Variants in KCNC2 observed in about 807,000 individuals in gnomAD.
KCNC2 encodes voltage-gated potassium channel KCNC2.
A neutral mutation model predicts 44.5 loss-of-function variants in KCNC2; 21 were observed. That is an observed-to-expected ratio of 0.47 (90% CI 0.33 to 0.68). The LOEUF (loss-of-function observed/expected upper bound fraction) is 0.68, where lower values mean the gene tolerates loss of function less well. KCNC2 is among the 30% of genes least tolerant of loss of function. The pLI, the probability that KCNC2 is intolerant of heterozygous loss-of-function variation, is 0.01. For synonymous variants in KCNC2, 391 were observed against 339.1 expected, an observed-to-expected ratio of 1.15 and a Z score of -1.68; for missense variants, 589 against 826.2, an observed-to-expected ratio of 0.71 and a Z score of 3.52.
At position 75,042,851 on chromosome 12, in the gene KCNC2, G is replaced by T; in HGVS notation, c.*254C>A. The T allele has an allele frequency of 7.7e-7, 1 of 1,292,904 alleles. No homozygotes were observed. 80.1% of individuals were successfully genotyped at this position (1,292,904 alleles called of 1,614,324 possible). A position where few individuals can be genotyped will look rare whatever the true frequency, so the allele number is the denominator to read the frequency against. ...CACTGGTCAATATCTGACACTATCT[G>T]TCATTTTATTGCAAAAGGATATCAG... On this transcript the variant is annotated 3_prime_UTR_variant, in exon 5 of 5. Transcript: ENST00000549446.
At position 75,042,095 on chromosome 12, in the gene KCNC2, T is replaced by C; in HGVS notation, c.*1010A>G. 1 of 1,236,338 alleles carries C rather than the reference T, an allele frequency of 8.1e-7. No individual in the cohort carries two copies. Among genetic ancestry groups the C allele is most frequent in the Non-Finnish European group, 1.0e-6 (1 of 989,602 alleles). The allele number at this position is 1,236,338 out of a possible 1,614,324, so 76.6% of individuals were successfully genotyped here. A position where few individuals can be genotyped will look rare whatever the true frequency, so the allele number is the denominator to read the frequency against. On this transcript the variant is annotated 3_prime_UTR_variant, in exon 5 of 5. Coordinates refer to ENST00000549446, the MANE Select transcript of KCNC2 (RefSeq NM_139137.4). ...CTGTGAACACCAGTGACATTTGATG[T>C]TTGCACAAAAAATTAATAAATAAAA...
chr12:75,075,337 G>T (rs1419493935), intron 2 of KCNC2, among the ~76,000 whole-genome samples: 1 of 150,868 alleles, frequency 6.6e-6, no homozygotes, highest in Non-Finnish European at 1.5e-5. Context: ...ATTCCTTTTT[G>T]CATTATCCCT....
chr12:75,186,871 T>C (rs57932781), intron 2 of KCNC2, among the ~76,000 whole-genome samples: 2,776 of 152,312 alleles, frequency 0.018, 75 homozygotes, highest in African/African-American at 0.063. Flanking sequence ...AGCTAAATCC[T>C]TATTTCACCA....
In KCNC2 at chr12:75,171,927, T is replaced by A. The variant is rs184426016; in HGVS notation, c.687+35370A>T. Among the ~76,000 whole-genome samples, 957 of 151,912 alleles carry A rather than the reference T, an allele frequency of 6.3e-3. 19 individuals carry two copies. Among genetic ancestry groups the A allele is most frequent in the African/African-American group, 0.022 (894 of 41,498 alleles). On this transcript the variant is annotated intron_variant, in intron 2 of 4. Coordinates refer to ENST00000549446, the MANE Select transcript of KCNC2 (RefSeq NM_139137.4). ...ATAAAACACTTTAAAAAGGGTTTTT[T>A]AAATTATCTTTATCATTTGTTCTCT...
rs184956015 is a variant in KCNC2, at chr12:75,206,706, G to A, written c.687+591C>T. Among the ~76,000 whole-genome samples the A allele has an allele frequency of 2.7e-3, 413 of 152,308 alleles. 9 individuals carry two copies. Among genetic ancestry groups the A allele is most frequent in the Admixed American group, 0.021 (322 of 15,304 alleles). ...TCCTAGTATTCGTCTCCCTTGGAAA[G>A]TGACAGGCCCAAACAACGTTCTGGA... is the stretch of plus-strand genomic sequence containing the variant. On this transcript the variant is annotated intron_variant, in intron 2 of 4. Transcript: ENST00000549446.
chr12:75,065,510 C>A (rs1303569805), intron 2 of KCNC2, among the ~76,000 whole-genome samples: 1 of 151,866 alleles, frequency 6.6e-6, no homozygotes, highest in Non-Finnish European at 1.5e-5. Flanking sequence ...TCGTATATAC[C>A]ATAGTGTTGT....
intron 2 of KCNC2, among the ~76,000 whole-genome samples, chr12:75,074,474 C>T (rs1883731212): frequency 6.6e-6 from 1 of 152,020 alleles, no homozygotes; most frequent in South Asian, 2.1e-4. Context: ...ACTTTCCTTG[C>T]CCTTTTAGAA....
intron 2 of KCNC2, among the ~76,000 whole-genome samples, chr12:75,066,274 A>AT (rs1220521727): frequency 6.6e-6 from 1 of 152,064 alleles, no homozygotes; most frequent in African/African-American, 2.4e-5. Flanking sequence ...CAAAGTTTAT[A>AT]TTTTTTACAA....
chr12:75,188,901 AAAT>A (rs2029929880), intron 2 of KCNC2, among the ~76,000 whole-genome samples: 2 of 151,484 alleles, frequency 1.3e-5, no homozygotes. Context: ...ATAAATAAAT[AAAT>A]AACAAGGTGA....
chr12:75,208,113 G>T (rs1006638868), intron 1 of KCNC2, 111 bp from the exon 2 acceptor site: 12 of 1,305,818 alleles, frequency 9.2e-6, no homozygotes, highest in African/African-American at 1.5e-5. Flanking sequence ...TGGCAGACAG[G>T]CACGGGGCAA....
chr12:75,160,973 T>G (rs1028136216), intron 2 of KCNC2, among the ~76,000 whole-genome samples: 2 of 151,740 alleles, frequency 1.3e-5, no homozygotes, highest in African/African-American at 4.8e-5. Flanking sequence ...TGTGTATACT[T>G]AAAGAGAAAC....
chr12:75,150,870 T>C (rs1890342873), intron 2 of KCNC2, among the ~76,000 whole-genome samples: 1 of 152,050 alleles, frequency 6.6e-6, no homozygotes, highest in Non-Finnish European at 1.5e-5. Context: ...AGAACTCAGC[T>C]ATGTAAAACG....
At chr12:75,046,413 A>G (rs184997925) in intron 4 of KCNC2, among the ~76,000 whole-genome samples, 10 of 151,862 alleles carry the variant, frequency 6.6e-5, no homozygotes, top group Admixed American at 5.3e-4. Context: ...AACTCAAAAC[A>G]TTGTCTAACA....
chr12:75,175,037 TC>T (rs1166598112), intron 2 of KCNC2, among the ~76,000 whole-genome samples: 1 of 151,850 alleles, frequency 6.6e-6, no homozygotes, highest in Admixed American at 6.6e-5. Context: ...TCCTGCCTGC[TC>T]TATAGAACTT....
intron 2 of KCNC2, among the ~76,000 whole-genome samples, chr12:75,195,416 A>G (rs940219165): frequency 2.6e-5 from 4 of 152,178 alleles, no homozygotes; most frequent in African/African-American, 9.7e-5. Flanking sequence ...GTAAAAGAAT[A>G]ACTAACTACT....
At chr12:75,092,327 G>A (rs1394155853) in intron 2 of KCNC2, among the ~76,000 whole-genome samples, 1 of 151,596 alleles carries the variant, frequency 6.6e-6, no homozygotes, top group Non-Finnish European at 1.5e-5. Context: ...GAGAATATCA[G>A]CCTGTATAAT....
chr12:75,193,548 A>G (rs2030494841), intron 2 of KCNC2, among the ~76,000 whole-genome samples: 1 of 152,168 alleles, frequency 6.6e-6, no homozygotes, highest in African/African-American at 2.4e-5. Context: ...AGAGTAGGGA[A>G]TCAACAGAAG....
intron 2 of KCNC2, among the ~76,000 whole-genome samples, chr12:75,144,839 A>G (rs1019519400): frequency 6.6e-6 from 1 of 152,102 alleles, no homozygotes; most frequent in African/African-American, 2.4e-5. Flanking sequence ...TTTGACATGG[A>G]CATTATATCA....
At chr12:75,059,344 TA>T (rs1334736667) in intron 2 of KCNC2, among the ~76,000 whole-genome samples, 1 of 152,108 alleles carries the variant, frequency 6.6e-6, no homozygotes, top group East Asian at 1.9e-4. Context: ...AGTTTTGTAG[TA>T]ATACTAAAAT....
Sources: gnomAD v4.1 joint callset for allele counts (sites outside exome capture counted in the v4.1 genomes callset) on GRCh38, gnomAD v4.1.1 for gene constraint, MANE v1.5 for transcripts, NCBI Gene and HGNC (gene_info 2026-07-23, HGNC 2026-07-21) for gene names.